Variants in MAP2K4 observed in about 807,000 individuals in gnomAD.
The protein encoded by MAP2K4 is dual specificity mitogen-activated protein kinase kinase 4.
A neutral mutation model predicts 48.5 loss-of-function variants in MAP2K4; 4 were observed. The observed-to-expected ratio is 0.08, with a 90% CI of 0.04 to 0.19. The LOEUF (loss-of-function observed/expected upper bound fraction) is 0.19. Ranked by LOEUF, MAP2K4 falls within the 10% of genes least tolerant of loss-of-function variation. The pLI, the probability that MAP2K4 is intolerant of heterozygous loss-of-function variation, is 1.00. For synonymous variants in MAP2K4, 166 were observed against 173.1 expected (o/e 0.96, Z 0.32); for missense variants, 258 against 493.3 (o/e 0.52, Z 4.52).
At chr17:12,067,491 G>A (rs370752709) in intron 2 of MAP2K4, among the ~76,000 whole-genome samples, 6 of 152,180 alleles carry the variant, frequency 3.9e-5, no homozygotes, top group Non-Finnish European at 7.3e-5. Context: ...GAACCTTGGA[G>A]TGCAAATTTG....
At chr17:12,101,472 G>A (rs1382029635) in intron 4 of MAP2K4, among the ~76,000 whole-genome samples, 5 of 151,676 alleles carry the variant, frequency 3.3e-5, no homozygotes, top group African/African-American at 1.2e-4. Context: ...AAGTTGTTTC[G>A]GCTCTTTCAT....
chr17:12,118,602 A>T (rs1471417082), intron 7 of MAP2K4, among the ~76,000 whole-genome samples: 3 of 152,252 alleles, frequency 2.0e-5, no homozygotes, highest in Non-Finnish European at 4.4e-5. Context: ...CTCATAAAAA[A>T]TAATGTTTAT....
chr17:12,089,428 A>G (rs1000504975), intron 3 of MAP2K4, among the ~76,000 whole-genome samples: 2 of 152,136 alleles, frequency 1.3e-5, no homozygotes, highest in Admixed American at 1.3e-4. Flanking sequence ...AGTAGCTTGC[A>G]TTATTTTATC....
intron 4 of MAP2K4, among the ~76,000 whole-genome samples, chr17:12,096,592 C>T (rs964200638): frequency 1.3e-5 from 2 of 152,128 alleles, no homozygotes; most frequent in Admixed American, 6.6e-5. Flanking sequence ...GATGAATAAC[C>T]GAGTTGTTAT....
intron 2 of MAP2K4, among the ~76,000 whole-genome samples, chr17:12,055,261 A>G (rs370114886): frequency 6.6e-5 from 10 of 152,266 alleles, no homozygotes; most frequent in East Asian, 1.9e-4. Flanking sequence ...CAAGATTTCT[A>G]TGTCATAGTA....
chr17:12,106,759 TG>T (rs1476453166), intron 4 of MAP2K4, among the ~76,000 whole-genome samples: 1 of 152,192 alleles, frequency 6.6e-6, no homozygotes, highest in Non-Finnish European at 1.5e-5. Flanking sequence ...CTTGTTCATC[TG>T]TGTATCCTGT....
intron 4 of MAP2K4, among the ~76,000 whole-genome samples, chr17:12,096,757 AT>A (rs1418472009): frequency 6.6e-6 from 1 of 152,170 alleles, no homozygotes; most frequent in Non-Finnish European, 1.5e-5. Context: ...CAATCTTATA[AT>A]TGGAAACAAT....
chr17:12,139,653 A>G (rs1231645515), intron 9 of MAP2K4, among the ~76,000 whole-genome samples, 186 bp from the exon 10 acceptor site: 1 of 152,190 alleles, frequency 6.6e-6, no homozygotes, highest in Non-Finnish European at 1.5e-5. Context: ...CTAGAGATAA[A>G]TCTTCAGATT....
At chr17:12,140,908 C>A (rs1316896581) in intron 10 of MAP2K4, among the ~76,000 whole-genome samples, 2 of 152,180 alleles carry the variant, frequency 1.3e-5, no homozygotes, top group African/African-American at 4.8e-5. Flanking sequence ...CCAGACCTCA[C>A]TGCCAAGGTG....
chr17:12,080,114 T>TAA (rs1256933564), intron 2 of MAP2K4, among the ~76,000 whole-genome samples: 1 of 152,304 alleles, frequency 6.6e-6, no homozygotes, highest in East Asian at 1.9e-4. Flanking sequence ...TATTAGTACA[T>TAA]ACGATTATTC....
chr17:12,048,704 T>C (rs1488495468), intron 1 of MAP2K4, among the ~76,000 whole-genome samples: 1 of 152,176 alleles, frequency 6.6e-6, no homozygotes, highest in Non-Finnish European at 1.5e-5. Context: ...TCACCCAGGC[T>C]GGAGTGCAAT....
In MAP2K4 at chr17:12,081,288, C is replaced by T; in HGVS notation, c.219-68C>T. The T allele has an allele frequency of 5.0e-6, 6 of 1,210,320 alleles. No homozygotes were observed. Among genetic ancestry groups the T allele is most frequent in the Non-Finnish European group, 7.0e-6 (6 of 860,446 alleles). The allele number at this position is 1,210,320 out of a possible 1,614,324, so 75.0% of individuals were successfully genotyped here. A position where few individuals can be genotyped will look rare whatever the true frequency, so the allele number is the denominator to read the frequency against. On this transcript the variant is annotated intron_variant, in intron 2 of 10. Transcript: ENST00000353533. The surrounding 1 kb of genome is among the most constrained non-coding windows in gnomAD (Gnocchi z 4.2). ...GAAAACATTTTTCCCACACATTAAT[C>T]AGTACTAAAAGAAAAAAGTTAAAAC...
intron 7 of MAP2K4, among the ~76,000 whole-genome samples, chr17:12,115,320 T>C (rs1972454383): frequency 6.6e-6 from 1 of 152,210 alleles, no homozygotes; most frequent in South Asian, 2.1e-4. Context: ...AATTTTGTTG[T>C]GCAAAATCAT....
At chr17:12,046,617 A>T (rs1300218991) in intron 1 of MAP2K4, among the ~76,000 whole-genome samples, 1 of 152,182 alleles carries the variant, frequency 6.6e-6, no homozygotes, top group East Asian at 1.9e-4. Flanking sequence ...GTGGAATCCC[A>T]TAATGATGGC....
intron 6 of MAP2K4, chr17:12,110,778 T>C: frequency 4.9e-6 from 1 of 202,234 alleles, no homozygotes; most frequent in Non-Finnish European, 9.8e-6. Flanking sequence ...TGAGGGATAG[T>C]ACCCTCAAGC....
At chr17:12,085,424 G>C (rs1380751434) in intron 3 of MAP2K4, among the ~76,000 whole-genome samples, 1 of 151,640 alleles carries the variant, frequency 6.6e-6, no homozygotes, top group Non-Finnish European at 1.5e-5. Context: ...GAAATTATCT[G>C]GGTTAATCAG....
intron 9 of MAP2K4, among the ~76,000 whole-genome samples, chr17:12,134,696 G>T (rs1050617013): frequency 6.6e-6 from 1 of 152,180 alleles, no homozygotes; most frequent in African/African-American, 2.4e-5. Context: ...GCCACATCTA[G>T]ATGTGTTCTG....
intron 2 of MAP2K4, among the ~76,000 whole-genome samples, chr17:12,062,956 T>C (rs1200972394): frequency 6.6e-6 from 1 of 151,896 alleles, no homozygotes; most frequent in African/African-American, 2.4e-5. Flanking sequence ...TTCTTTTTCC[T>C]TGTAGTTTGC....
chr17:12,034,329 A>G (rs372776834), intron 1 of MAP2K4, among the ~76,000 whole-genome samples: 1 of 152,216 alleles, frequency 6.6e-6, no homozygotes, highest in African/African-American at 2.4e-5. Context: ...GAATTTAACA[A>G]TGGAGGCTGG....
Sources: allele counts gnomAD v4.1 joint callset (sites outside exome capture counted in the v4.1 genomes callset), GRCh38; gene constraint gnomAD v4.1.1; non-coding constraint Gnocchi (gnomAD v3.1); transcripts MANE v1.5; gene names NCBI Gene and HGNC (gene_info 2026-07-23, HGNC 2026-07-21).